The following PIK3CB variants were observed in gnomAD, a reference collection of about 807,000 sequenced individuals.
The protein encoded by PIK3CB is phosphatidylinositol 4,5-bisphosphate 3-kinase catalytic subunit beta isoform.
Under a neutral mutation model 136.8 loss-of-function variants are expected in PIK3CB, and 39 were observed. That is an observed-to-expected ratio of 0.29 (90% CI 0.22 to 0.37). PIK3CB has a LOEUF of 0.37. Ranked by LOEUF, PIK3CB falls within the 10% of genes least tolerant of loss-of-function variation. The pLI, the probability that PIK3CB is intolerant of heterozygous loss-of-function variation, is 1.00. For missense variants in PIK3CB, 868 were observed against 1,275.4 expected, an observed-to-expected ratio of 0.68 and a Z score of 4.87; for synonymous variants, 428 against 436.6, an observed-to-expected ratio of 0.98 and a Z score of 0.25.
intron 2 of PIK3CB, among the ~76,000 whole-genome samples, chr3:138,766,228 G>A (rs886604334): frequency 1.3e-5 from 2 of 152,070 alleles, no homozygotes. Context: ...TCAGGATAAG[G>A]CATCCTCTCC....
chr3:138,725,499 C>T (rs1032269121), intron 8 of PIK3CB, among the ~76,000 whole-genome samples: 2 of 152,200 alleles, frequency 1.3e-5, no homozygotes, highest in African/African-American at 4.8e-5. Context: ...TATTTTCTCA[C>T]AGGTTCCTGG....
At chr3:138,690,914 G>C (rs1433101082) in intron 15 of PIK3CB, 86 bp downstream of exon 15, 1 of 1,064,138 alleles carries the variant, frequency 9.4e-7, no homozygotes, top group Admixed American at 2.3e-5. Flanking sequence ...AAAAACTAAA[G>C]CAGCTATTTT....
intron 11 of PIK3CB, among the ~76,000 whole-genome samples, chr3:138,705,255 T>G (rs1465976051): frequency 1.3e-5 from 2 of 148,766 alleles, no homozygotes; most frequent in Non-Finnish European, 3.0e-5. Context: ...CAAAAAGCAT[T>G]TCATTTGAGC....
At chr3:138,678,485 G>A (rs1319397767) in intron 19 of PIK3CB, among the ~76,000 whole-genome samples, 1 of 151,582 alleles carries the variant, frequency 6.6e-6, no homozygotes, top group African/African-American at 2.4e-5. Flanking sequence ...CAAAAACAAG[G>A]ATGTAAATAT....
At chr3:138,780,729 C>T (rs995008690) in intron 2 of PIK3CB, among the ~76,000 whole-genome samples, 1 of 151,992 alleles carries the variant, frequency 6.6e-6, no homozygotes, top group Admixed American at 6.6e-5. Context: ...AATACAGTGG[C>T]GCCATCTTAG....
At chr3:138,798,489 T>C (rs916993992) in intron 1 of PIK3CB, among the ~76,000 whole-genome samples, 16 of 152,168 alleles carry the variant, frequency 1.1e-4, no homozygotes, top group Non-Finnish European at 2.1e-4. Flanking sequence ...ATTGTCTTTA[T>C]TTATATAAAG....
intron 6 of PIK3CB, 35 bp downstream of exon 6, chr3:138,737,672 G>T: frequency 3.8e-6 from 4 of 1,049,568 alleles, no homozygotes; most frequent in South Asian, 1.7e-5. Flanking sequence ...TATACTCATA[G>T]ACTTTTCTGG....
chr3:138,696,468 G>C (rs1480330444), intron 13 of PIK3CB, among the ~76,000 whole-genome samples: 3 of 152,104 alleles, frequency 2.0e-5, no homozygotes, highest in Admixed American at 6.6e-5. Context: ...TTACAGGCTT[G>C]AGCCACCATA....
intron 8 of PIK3CB, among the ~76,000 whole-genome samples, chr3:138,726,140 T>C (rs2044831179): frequency 6.6e-6 from 1 of 152,214 alleles, no homozygotes; most frequent in African/African-American, 2.4e-5. Flanking sequence ...AGTTTGAGAC[T>C]TGGCTAATGG....
intron 5 of PIK3CB, among the ~76,000 whole-genome samples, chr3:138,740,020 G>A (rs2045208526): frequency 1.3e-5 from 2 of 151,138 alleles, no homozygotes; most frequent in African/African-American, 4.9e-5. Context: ...CATAAGACAC[G>A]GAATGAACTG....
At chr3:138,684,285 A>G (rs1424620045) in intron 17 of PIK3CB, among the ~76,000 whole-genome samples, 1 of 152,260 alleles carries the variant, frequency 6.6e-6, no homozygotes, top group African/African-American at 2.4e-5. Context: ...TTATTTTAAA[A>G]TAGGAAAATC....
At chr3:138,799,747 G>A (rs1047959318) in intron 1 of PIK3CB, among the ~76,000 whole-genome samples, 2 of 151,974 alleles carry the variant, frequency 1.3e-5, no homozygotes, top group African/African-American at 2.4e-5. Flanking sequence ...GCATGATCAC[G>A]GTTCACTGCA....
At chr3:138,761,733 G>GT (rs2045665698) in intron 2 of PIK3CB, among the ~76,000 whole-genome samples, 1 of 152,134 alleles carries the variant, frequency 6.6e-6, no homozygotes, top group Non-Finnish European at 1.5e-5. Flanking sequence ...CAGCACCATT[G>GT]CACTCCAGCC....
intron 12 of PIK3CB, among the ~76,000 whole-genome samples, chr3:138,699,865 T>G (rs567540910): frequency 6.6e-6 from 1 of 152,164 alleles, no homozygotes; most frequent in East Asian, 1.9e-4. Context: ...CAAGGAGCAC[T>G]TACTTACTTT....
chr3:138,674,648 A>G (rs2043607448), intron 19 of PIK3CB, among the ~76,000 whole-genome samples: 1 of 152,228 alleles, frequency 6.6e-6, no homozygotes, highest in African/African-American at 2.4e-5. Context: ...CACATACAGG[A>G]AAAATGCATT....
At chr3:138,724,582 G>T (rs1239868098) in intron 8 of PIK3CB, among the ~76,000 whole-genome samples, 1 of 152,150 alleles carries the variant, frequency 6.6e-6, no homozygotes, top group Non-Finnish European at 1.5e-5. Context: ...CACGTGGTTG[G>T]TTTCTCTGGC....
intron 9 of PIK3CB, among the ~76,000 whole-genome samples, chr3:138,712,824 C>T (rs2044532479): frequency 6.6e-6 from 1 of 152,134 alleles, no homozygotes; most frequent in Non-Finnish European, 1.5e-5. Flanking sequence ...ACCTAAGCCT[C>T]TTAAAGTGTT....
chr3:138,790,501 A>C (rs1332908681), intron 2 of PIK3CB, among the ~76,000 whole-genome samples: 1 of 151,334 alleles, frequency 6.6e-6, no homozygotes, highest in Non-Finnish European at 1.5e-5. Flanking sequence ...GTATTTCACC[A>C]ATTTTTTTTT....
At position 138,807,001 on chromosome 3, in the gene PIK3CB, T is replaced by C. The variant is rs1007592802; in HGVS notation, c.-121-10434A>G. On this transcript the variant is annotated intron_variant, in intron 1 of 23. Coordinates refer to ENST00000674063, the MANE Select transcript of PIK3CB (RefSeq NM_006219.3). ...AATACATAAATTATATGCATACATATGGATGTGTTAACTACTGTTATAAAT... is the reference window on the plus strand; with the variant it reads ...AATACATAAATTATATGCATACATACGGATGTGTTAACTACTGTTATAAAT... Among the ~76,000 whole-genome samples, 3 of 152,360 alleles carry C rather than the reference T, an allele frequency of 2.0e-5. No individual in the cohort carries two copies. The South Asian group carries it at 6.2e-4, about 32-fold the overall frequency.
Sources: gnomAD v4.1 joint callset for allele counts (sites outside exome capture counted in the v4.1 genomes callset) on GRCh38, gnomAD v4.1.1 for gene constraint, MANE v1.5 for transcripts, NCBI Gene and HGNC (gene_info 2026-07-23, HGNC 2026-07-21) for gene names.